FAM114A1: variants seen among roughly 807,000 people sequenced by gnomAD.
The protein encoded by FAM114A1 is protein NOXP20.
A neutral mutation model predicts 64.3 loss-of-function variants in FAM114A1; 62 were observed. The ratio of observed to expected loss-of-function variants is 0.96; its 90% CI spans 0.79 to 1.19. The LOEUF (loss-of-function observed/expected upper bound fraction) is 1.19. Ranked by LOEUF, FAM114A1 falls within the 50% of genes most tolerant of loss-of-function variation. The pLI is 0.00. For missense variants in FAM114A1, 645 were observed against 676.3 expected (o/e 0.95, Z 0.51); for synonymous variants, 254 against 251.1 (o/e 1.01, Z -0.11).
chr4:38,928,134 A>G (rs2109773726), intron 9 of FAM114A1, among the ~76,000 whole-genome samples: 1 of 148,052 alleles, frequency 6.8e-6, no homozygotes, highest in East Asian at 1.9e-4. Flanking sequence ...TTTTGTCCAT[A>G]AAACAGAAAA....
chr4:38,929,421 A>G, intron 10 of FAM114A1, 88 bp downstream of exon 10: 2 of 989,750 alleles, frequency 2.0e-6, no homozygotes, highest in Non-Finnish European at 3.1e-6. Flanking sequence ...ATGCACCTGA[A>G]ATGGAAAACC....
chr4:38,871,151 A>G (rs1389137237), intron 2 of FAM114A1, among the ~76,000 whole-genome samples: 1 of 135,702 alleles, frequency 7.4e-6, no homozygotes, highest in Admixed American at 8.6e-5. Flanking sequence ...GTGCAGTGGC[A>G]TGATCCTGGC....
intron 9 of FAM114A1, among the ~76,000 whole-genome samples, chr4:38,925,840 T>A (rs1003029516): frequency 1.3e-5 from 2 of 151,688 alleles, no homozygotes; most frequent in African/African-American, 4.9e-5. Context: ...TATTATCATC[T>A]GTTTTTATCA....
intron 9 of FAM114A1, among the ~76,000 whole-genome samples, chr4:38,923,224 CTTT>C (rs55688191): frequency 2.3e-5 from 3 of 131,722 alleles, no homozygotes; most frequent in Admixed American, 8.1e-5. Context: ...TATGCTGCCA[CTTT>C]TTTTTTTTTT....
chr4:38,937,779 G>A (rs2109807174), intron 13 of FAM114A1, among the ~76,000 whole-genome samples: 1 of 152,244 alleles, frequency 6.6e-6, no homozygotes, highest in South Asian at 2.1e-4. Context: ...CTGTCGCCCA[G>A]GCTGGAGTGC....
intron 7 of FAM114A1, chr4:38,914,692 T>C (rs1718869312): frequency 2.2e-6 from 1 of 451,854 alleles, no homozygotes; most frequent in African/African-American, 1.9e-5. Context: ...CATTGAATTT[T>C]TGCTTTGTTT....
At chr4:38,917,862 A>G (rs907873162) in intron 8 of FAM114A1, among the ~76,000 whole-genome samples, 2 of 152,158 alleles carry the variant, frequency 1.3e-5, no homozygotes, top group Admixed American at 1.3e-4. Flanking sequence ...TGTGATATTC[A>G]TAGTAAGGAA....
chr4:38,939,596 C>T (rs925891593), intron 13 of FAM114A1, among the ~76,000 whole-genome samples: 4 of 152,250 alleles, frequency 2.6e-5, no homozygotes, highest in East Asian at 1.9e-4. Context: ...TCCCAAGGCT[C>T]CATCATGATT....
At chr4:38,884,716 G>A (rs1715623990) in intron 3 of FAM114A1, among the ~76,000 whole-genome samples, 1 of 152,170 alleles carries the variant, frequency 6.6e-6, no homozygotes, top group South Asian at 2.1e-4. Flanking sequence ...GTAGGCTTGA[G>A]AACATCCCAT....
intron 4 of FAM114A1, among the ~76,000 whole-genome samples, chr4:38,893,122 A>G (rs946122688): frequency 2.0e-5 from 3 of 152,244 alleles, no homozygotes; most frequent in African/African-American, 7.2e-5. Context: ...TGTTTTCTGA[A>G]CAGGATGCTA....
intron 2 of FAM114A1, 44 bp from the exon 3 acceptor site, chr4:38,878,027 A>T (rs1315582572): frequency 2.4e-5 from 36 of 1,472,038 alleles, no homozygotes; most frequent in Non-Finnish European, 3.1e-5. Context: ...ATTGAAGCTT[A>T]ACAATTCGAT....
intron 3 of FAM114A1, among the ~76,000 whole-genome samples, chr4:38,886,742 A>G (rs1560293252): frequency 6.6e-6 from 1 of 151,690 alleles, no homozygotes; most frequent in Non-Finnish European, 1.5e-5. Flanking sequence ...AGCCTGGCCA[A>G]CAAGGTGAAA....
intron 7 of FAM114A1, 69 bp from the exon 8 acceptor site, chr4:38,914,852 C>T (rs1256106689): frequency 6.5e-7 from 1 of 1,544,292 alleles, no homozygotes; most frequent in East Asian, 2.3e-5. Flanking sequence ...CCAACCTCCC[C>T]CATGTCTTAC....
intron 7 of FAM114A1, 29 bp downstream of exon 7, chr4:38,908,755 C>A: frequency 6.6e-7 from 1 of 1,511,792 alleles, no homozygotes. Flanking sequence ...GCAATTTTTT[C>A]TTTCAGTCAA....
chr4:38,898,936 A>G (rs1717218778), intron 4 of FAM114A1, among the ~76,000 whole-genome samples: 1 of 147,362 alleles, frequency 6.8e-6, no homozygotes. Context: ...TATATATGTT[A>G]TATATTTATA....
intron 2 of FAM114A1, among the ~76,000 whole-genome samples, chr4:38,873,394 A>G (rs576545780): frequency 1.3e-5 from 2 of 152,358 alleles, no homozygotes; most frequent in Admixed American, 1.3e-4. Flanking sequence ...GTACACAAAT[A>G]TTAATCTAAC....
chr4:38,904,353 A>G (rs1237752493), intron 4 of FAM114A1, among the ~76,000 whole-genome samples: 1 of 152,152 alleles, frequency 6.6e-6, no homozygotes, highest in Admixed American at 6.5e-5. Flanking sequence ...AGGGAGGAAA[A>G]TCTCTCCAGA....
intron 9 of FAM114A1, among the ~76,000 whole-genome samples, chr4:38,926,648 G>A (rs764938011): frequency 2.6e-5 from 4 of 152,060 alleles, no homozygotes; most frequent in Non-Finnish European, 5.9e-5. Context: ...TAGAGATGGG[G>A]TTTCACCACG....
intron 4 of FAM114A1, among the ~76,000 whole-genome samples, chr4:38,904,384 T>C (rs1277570088): frequency 1.3e-5 from 2 of 152,226 alleles, no homozygotes; most frequent in African/African-American, 4.8e-5. Flanking sequence ...GACAAGACTA[T>C]GTCCGTATCA....
Sources: gnomAD v4.1 joint callset for allele counts (sites outside exome capture counted in the v4.1 genomes callset) on GRCh38, gnomAD v4.1.1 for gene constraint, MANE v1.5 for transcripts, NCBI Gene and HGNC (gene_info 2026-07-23, HGNC 2026-07-21) for gene names.